Variants in CDC42BPA observed in about 807,000 individuals in gnomAD.
CDC42BPA encodes the protein serine/threonine-protein kinase MRCK alpha.
A neutral mutation model predicts 223.5 loss-of-function variants in CDC42BPA; 80 were observed. The ratio of observed to expected loss-of-function variants is 0.36; its 90% CI spans 0.30 to 0.43. CDC42BPA has a LOEUF of 0.43. Among genes scored for constraint, CDC42BPA ranks in the 20% least tolerant of loss-of-function variants. The probability of loss-of-function intolerance (pLI) is 1.00; values close to 1 mark genes in which losing one functional copy is unlikely to be tolerated. For missense variants in CDC42BPA, 1,743 were observed against 2,099.9 expected, an observed-to-expected ratio of 0.83 and a Z score of 3.32; for synonymous variants, 694 against 718.6, an observed-to-expected ratio of 0.97 and a Z score of 0.55.
intron 1 of CDC42BPA, among the ~76,000 whole-genome samples, chr1:227,307,241 A>G (rs1013698953): frequency 1.3e-5 from 2 of 152,178 alleles, no homozygotes; most frequent in African/African-American, 4.8e-5. Context: ...CTCCACACCA[A>G]CTTAATATTG....
chr1:227,061,872 T>C (rs1359706077), intron 21 of CDC42BPA, among the ~76,000 whole-genome samples: 1 of 152,180 alleles, frequency 6.6e-6, no homozygotes, highest in African/African-American at 2.4e-5. Context: ...TCAACTCTGA[T>C]TATTTCCAAA....
rs73094365 is a variant in CDC42BPA at position 227,218,118 on chromosome 1, C to T, written c.271-4899G>A. On this transcript the variant is annotated intron_variant, in intron 2 of 36. Coordinates refer to ENST00000366766, the MANE Select transcript of CDC42BPA (RefSeq NM_001394014.1). ...CTGGTAATCTATGTGGGTGTATATACATGCAAAGTTTACAGCATCAATATT... is the reference window on the plus strand; with the variant it reads ...CTGGTAATCTATGTGGGTGTATATATATGCAAAGTTTACAGCATCAATATT... Among the ~76,000 whole-genome samples, 230 of 152,176 alleles carry T rather than the reference C, an allele frequency of 1.5e-3. 1 individual carries two copies. Among genetic ancestry groups the T allele is most frequent in the African/African-American group, 5.2e-3 (216 of 41,520 alleles).
At chr1:227,299,953 A>T (rs1399607740) in intron 1 of CDC42BPA, among the ~76,000 whole-genome samples, 1 of 152,226 alleles carries the variant, frequency 6.6e-6, no homozygotes, top group Non-Finnish European at 1.5e-5. Flanking sequence ...ACTCAGGAGT[A>T]GTTAGAAAGC....
At chr1:227,024,877 A>G (rs192864491) in intron 31 of CDC42BPA, among the ~76,000 whole-genome samples, 1 of 152,302 alleles carries the variant, frequency 6.6e-6, no homozygotes, top group Admixed American at 6.5e-5. Flanking sequence ...TTCATGAGTG[A>G]TCAGTTTATT....
chr1:227,072,479 T>C (rs1678592739), intron 19 of CDC42BPA, among the ~76,000 whole-genome samples, 180 bp from the exon 20 acceptor site: 1 of 151,988 alleles, frequency 6.6e-6, no homozygotes. Context: ...TTAACAGTTT[T>C]ACTAGAACAC....
chr1:227,225,445 A>AG (rs1181670785), intron 2 of CDC42BPA, among the ~76,000 whole-genome samples: 2 of 152,212 alleles, frequency 1.3e-5, no homozygotes, highest in Non-Finnish European at 2.9e-5. Context: ...TGTTCTAAGT[A>AG]GGGAATAAAA....
chr1:227,003,512 A>T (rs1663334228), intron 35 of CDC42BPA, among the ~76,000 whole-genome samples: 1 of 152,230 alleles, frequency 6.6e-6, no homozygotes, highest in South Asian at 2.1e-4. Flanking sequence ...CACTGCTTAT[A>T]ATCCAGGAAA....
intron 2 of CDC42BPA, among the ~76,000 whole-genome samples, chr1:227,225,778 C>G (rs947156048): frequency 5.0e-5 from 7 of 138,768 alleles, no homozygotes; most frequent in Non-Finnish European, 7.9e-5. Context: ...TTTAGTGAAG[C>G]AGGGAATACC....
At chr1:227,025,342 G>A (rs188514709) in intron 31 of CDC42BPA, among the ~76,000 whole-genome samples, 5 of 152,166 alleles carry the variant, frequency 3.3e-5, no homozygotes, top group African/African-American at 9.7e-5. Flanking sequence ...TAATCTGGCA[G>A]TATTTACAAG....
chr1:227,121,836 T>TA (rs997685124), intron 11 of CDC42BPA, among the ~76,000 whole-genome samples: 5 of 150,764 alleles, frequency 3.3e-5, no homozygotes, highest in Non-Finnish European at 5.9e-5. Context: ...AGTCTTGCTC[T>TA]ATCACCCAGG....
chr1:227,097,675 C>T (rs1242409443), intron 15 of CDC42BPA, among the ~76,000 whole-genome samples: 2 of 152,200 alleles, frequency 1.3e-5, no homozygotes, highest in Non-Finnish European at 2.9e-5. Context: ...AGCATGCACA[C>T]TAAGAGGCAA....
At position 226,994,952 on chromosome 1, in the gene CDC42BPA, T is replaced by C; in HGVS notation, c.5004A>G (p.Leu1668=). ...ARSSAQNGSA[L]KREFSGGSYS... ...AGCTTCCTCCAGAGAATTCCCTCTTTAATGCGCTGCCATTCTGTGCGGATG... is the reference window on the plus strand; with the variant it reads ...AGCTTCCTCCAGAGAATTCCCTCTTCAATGCGCTGCCATTCTGTGCGGATG... The change falls in exon 36 of 37, where the codon TTA becomes TTG. Residue 1668 remains leucine, a synonymous_variant. Transcript: ENST00000366766. The surrounding 1 kb of genome is among the most constrained non-coding windows in gnomAD (Gnocchi z 4.0). The C allele has an allele frequency of 6.2e-7, 1 of 1,614,112 alleles. No homozygotes were observed. Among genetic ancestry groups the C allele is most frequent in the Non-Finnish European group, 8.5e-7 (1 of 1,180,008 alleles).
intron 1 of CDC42BPA, among the ~76,000 whole-genome samples, chr1:227,262,559 A>G (rs1684269426): frequency 6.6e-6 from 1 of 152,208 alleles, no homozygotes; most frequent in Non-Finnish European, 1.5e-5. Flanking sequence ...ATAATGTTCT[A>G]AAGGATACTA....
intron 16 of CDC42BPA, among the ~76,000 whole-genome samples, chr1:227,085,926 T>C (rs2149192516): frequency 6.6e-6 from 1 of 152,354 alleles, no homozygotes; most frequent in East Asian, 1.9e-4. Context: ...CAGTGATTGC[T>C]ACAATCCAGT....
chr1:227,253,976 G>A, intron 2 of CDC42BPA, 88 bp downstream of exon 2: 2 of 775,664 alleles, frequency 2.6e-6, no homozygotes, highest in Non-Finnish European at 4.5e-6. Flanking sequence ...CAAGTAACAA[G>A]TAACAATACT....
chr1:227,290,466 A>C (rs1689511627), intron 1 of CDC42BPA, among the ~76,000 whole-genome samples: 1 of 152,192 alleles, frequency 6.6e-6, no homozygotes, highest in Non-Finnish European at 1.5e-5. Flanking sequence ...TATTGAATTG[A>C]CTTTAAATCT....
chr1:227,296,809 GAA>G (rs377133849), intron 1 of CDC42BPA, among the ~76,000 whole-genome samples: 2 of 124,324 alleles, frequency 1.6e-5, no homozygotes, highest in African/African-American at 3.0e-5. Flanking sequence ...AAAAGCACAA[GAA>G]AAAAAAAAAG....
chr1:227,288,013 A>G (rs904186848), intron 1 of CDC42BPA, among the ~76,000 whole-genome samples: 21 of 152,172 alleles, frequency 1.4e-4, no homozygotes, highest in African/African-American at 5.1e-4. Context: ...GCTTTGCTCC[A>G]TTAGCCTTTT....
intron 35 of CDC42BPA, among the ~76,000 whole-genome samples, chr1:227,000,372 T>C (rs1662567758): frequency 6.6e-6 from 1 of 152,220 alleles, no homozygotes; most frequent in South Asian, 2.1e-4. Context: ...TGAGTTTTCT[T>C]CCAATTCCTT....
Sources: gnomAD v4.1 joint callset for allele counts (sites outside exome capture counted in the v4.1 genomes callset) on GRCh38, gnomAD v4.1.1 for gene constraint, Gnocchi (gnomAD v3.1) non-coding constraint, MANE v1.5 for transcripts, NCBI Gene and HGNC (gene_info 2026-07-23, HGNC 2026-07-21) for gene names.